The following UBAP1 variants were observed in gnomAD, a reference collection of about 807,000 sequenced individuals.
UBAP1 encodes the protein ubiquitin associated protein 1.
A neutral mutation model predicts 39.0 loss-of-function variants in UBAP1; 5 were observed. That is an observed-to-expected ratio of 0.13 (90% CI 0.07 to 0.27). The LOEUF (loss-of-function observed/expected upper bound fraction) is 0.27. Among genes scored for constraint, UBAP1 ranks in the 10% least tolerant of loss-of-function variants. The probability of loss-of-function intolerance (pLI) is 1.00; values close to 1 mark genes in which losing one functional copy is unlikely to be tolerated. For synonymous variants in UBAP1, 211 were observed against 225.1 expected (o/e 0.94, Z 0.56); for missense variants, 490 against 608.1 (o/e 0.81, Z 2.04).
chr9:34,230,675 A>G (rs1398749660), intron 2 of UBAP1, among the ~76,000 whole-genome samples: 1 of 152,202 alleles, frequency 6.6e-6, no homozygotes, highest in Non-Finnish European at 1.5e-5. Flanking sequence ...TAAGTGTTGT[A>G]ATCAACACTT....
At chr9:34,208,970 T>C (rs1372322951) in intron 1 of UBAP1, among the ~76,000 whole-genome samples, 1 of 151,834 alleles carries the variant, frequency 6.6e-6, no homozygotes, top group East Asian at 1.9e-4. Context: ...AGTCTCACTC[T>C]GTTGCTCAGG....
chr9:34,249,687 T>C (rs1834366232), intron 4 of UBAP1, 92 bp from the exon 5 acceptor site: 1 of 1,219,748 alleles, frequency 8.2e-7, no homozygotes, highest in Admixed American at 1.9e-5. Context: ...GCTTGAATAG[T>C]GTCAGAAATG....
At chr9:34,193,813 T>G (rs570119990) in intron 1 of UBAP1, among the ~76,000 whole-genome samples, 1 of 152,166 alleles carries the variant, frequency 6.6e-6, no homozygotes, top group Non-Finnish European at 1.5e-5. Context: ...CTGAACCCAG[T>G]CCTCTTGGGC....
At chr9:34,180,161 CAAGA>C (rs1829933739) in intron 1 of UBAP1, among the ~76,000 whole-genome samples, 1 of 152,140 alleles carries the variant, frequency 6.6e-6, no homozygotes, top group Non-Finnish European at 1.5e-5. Flanking sequence ...GTGGGAAAAA[CAAGA>C]TACTTAGTCT....
intron 1 of UBAP1, among the ~76,000 whole-genome samples, chr9:34,183,293 C>T (rs776799119): frequency 6.6e-6 from 1 of 151,612 alleles, no homozygotes; most frequent in Non-Finnish European, 1.5e-5. Flanking sequence ...CCTGTAATCC[C>T]AGCACTTTGG....
rs542196296 is a variant in UBAP1, at chr9:34,251,756, G to A, written c.*224G>A. The A allele has an allele frequency of 5.3e-5, 27 of 509,364 alleles. 1 individual carries two copies. Among genetic ancestry groups the A allele is most frequent in the East Asian group, 2.4e-4 (8 of 33,316 alleles). 31.6% of individuals were successfully genotyped at this position (509,364 alleles called of 1,614,324 possible). ...CCCCAGAACTGTCCTGGCTCCTTCC[G>A]TATTAAACGCATTTGCATTTTGAGA... On this transcript the variant is annotated 3_prime_UTR_variant, in exon 7 of 7. Transcript: ENST00000297661.
At chr9:34,186,969 G>A (rs527273645) in intron 1 of UBAP1, among the ~76,000 whole-genome samples, 2 of 152,080 alleles carry the variant, frequency 1.3e-5, no homozygotes, top group Non-Finnish European at 2.9e-5. Flanking sequence ...GTGCAATGGC[G>A]TGATCTTGGC....
intron 2 of UBAP1, 99 bp downstream of exon 2, chr9:34,221,047 T>C: frequency 9.5e-7 from 1 of 1,055,590 alleles, no homozygotes; most frequent in Non-Finnish European, 1.4e-6. Flanking sequence ...TTTTTGTCTC[T>C]TTTAATGAAC....
chr9:34,200,503 A>G (rs1334478309), intron 1 of UBAP1, among the ~76,000 whole-genome samples: 3 of 152,188 alleles, frequency 2.0e-5, no homozygotes, highest in African/African-American at 7.2e-5. Flanking sequence ...ATTAGGATGG[A>G]TAGATGTTTA....
intron 1 of UBAP1, among the ~76,000 whole-genome samples, chr9:34,215,323 CATATAT>C (rs150254096): frequency 6.8e-6 from 1 of 147,978 alleles, no homozygotes; most frequent in African/African-American, 2.5e-5. Flanking sequence ...ATATATGTGT[CATATAT>C]ATATATATAT....
intron 4 of UBAP1, among the ~76,000 whole-genome samples, chr9:34,246,220 C>G (rs1563922780): frequency 6.6e-6 from 1 of 152,178 alleles, no homozygotes; most frequent in Non-Finnish European, 1.5e-5. Flanking sequence ...GCACGTGCCA[C>G]CACACCTGGC....
At chr9:34,217,099 AT>A (rs1348807582) in intron 1 of UBAP1, among the ~76,000 whole-genome samples, 1 of 151,926 alleles carries the variant, frequency 6.6e-6, no homozygotes, top group Non-Finnish European at 1.5e-5. Context: ...GGTGTTTGCT[AT>A]TTATTTATGA....
At chr9:34,214,010 G>A (rs566563663) in intron 1 of UBAP1, among the ~76,000 whole-genome samples, 11 of 151,892 alleles carry the variant, frequency 7.2e-5, no homozygotes, top group Non-Finnish European at 1.2e-4. Flanking sequence ...ACTGCTGAAA[G>A]AAATCATAGA....
Position 34,179,244 on chromosome 9 carries a change from A to AG in UBAP1, c.-8+10dup, listed in dbSNP as rs993261316. The AG allele has an allele frequency of 8.6e-5, 72 of 835,674 alleles. No individual in the cohort carries two copies. Among genetic ancestry groups the AG allele is most frequent in the Middle Eastern group, 1.2e-3 (2 of 1,716 alleles). 51.8% of individuals were successfully genotyped at this position (835,674 alleles called of 1,614,324 possible). The stretch of plus-strand genomic sequence containing the variant: ...CGGCGGCAGCAGCGGCATTCAGGTG[A>AG]GGGGGGCCTCCCTCTGGGGGAGGGG... On this transcript the variant is annotated splice_donor_region_variant and intron_variant, in intron 1 of 6. Coordinates refer to ENST00000297661, the MANE Select transcript of UBAP1 (RefSeq NM_016525.5).
intron 1 of UBAP1, among the ~76,000 whole-genome samples, chr9:34,200,416 T>C (rs1386573794): frequency 2.0e-5 from 3 of 152,212 alleles, no homozygotes; most frequent in African/African-American, 7.2e-5. Flanking sequence ...TTGTGGTATC[T>C]TGATAACTTT....
chr9:34,217,783 CTTTTTTTTTT>C lies in UBAP1; in HGVS notation c.-7-3104_-7-3095del, dbSNP rs750494361. Among the ~76,000 whole-genome samples, 332 of 41,232 alleles carry C rather than the reference CTTTTTTTTTT, an allele frequency of 8.1e-3. 4 individuals carry two copies. Among genetic ancestry groups the C allele is most frequent in the African/African-American group, 0.031 (300 of 9,624 alleles). 27.0% of individuals were successfully genotyped at this position (41,232 alleles called of 152,430 possible). Reference sequence around the variant, plus strand: ...TTGTCATAAATGACAGGATTTCGTTCTTTTTTTTTTTTTTTTTTTTTTTTTTTTTTGAGAC... The same window carrying C: ...TTGTCATAAATGACAGGATTTCGTTCTTTTTTTTTTTTTTTTTTTTGAGAC... On this transcript the variant is annotated intron_variant, in intron 1 of 6. Coordinates refer to ENST00000297661, the MANE Select transcript of UBAP1 (RefSeq NM_016525.5).
rs149224870 is a variant in UBAP1 at position 34,204,058 on chromosome 9, G to A, written c.-7-16850G>A. On this transcript the variant is annotated intron_variant, in intron 1 of 6. Transcript: ENST00000297661. ...AACCAGTTAAGAGACTGGGCGTGGTGGTTCATGCCTGCAATCCCAGAGCTT... is the reference window on the plus strand; with the variant it reads ...AACCAGTTAAGAGACTGGGCGTGGTAGTTCATGCCTGCAATCCCAGAGCTT... 3.2e-3 allele frequency among the ~76,000 whole-genome samples: 480 copies of A among 152,312 alleles called. 1 individual carries two copies. The highest frequency in any genetic ancestry group is 0.011 in the African/African-American group (459 of 41,580).
chr9:34,235,307 A>ATGTG (rs10535791), intron 3 of UBAP1, among the ~76,000 whole-genome samples: 26 of 140,478 alleles, frequency 1.9e-4, no homozygotes, highest in African/African-American at 5.5e-4. Context: ...GTATATATAT[A>ATGTG]TGTGTGTGTG....
intron 4 of UBAP1, among the ~76,000 whole-genome samples, chr9:34,246,350 G>GC (rs1336749420): frequency 1.4e-4 from 21 of 152,384 alleles, no homozygotes; most frequent in African/African-American, 4.8e-4. Flanking sequence ...ATAGGCATGA[G>GC]CCATTGCTCC....
Sources: allele counts gnomAD v4.1 joint callset (sites outside exome capture counted in the v4.1 genomes callset), GRCh38; gene constraint gnomAD v4.1.1; transcripts MANE v1.5; gene names NCBI Gene and HGNC (gene_info 2026-07-23, HGNC 2026-07-21).